ADORA2B: variants seen among roughly 807,000 people sequenced by gnomAD.
The protein encoded by ADORA2B is adenosine A2b receptor.
Under a neutral mutation model 20.8 loss-of-function variants are expected in ADORA2B, and 18 were observed. The observed-to-expected ratio is 0.87, with a 90% CI of 0.60 to 1.29. The LOEUF is 1.29. Among genes scored for constraint, ADORA2B ranks in the 50% most tolerant of loss-of-function variants. The pLI is 0.00. For missense variants in ADORA2B, 441 were observed against 422.7 expected (o/e 1.04, Z -0.38); for synonymous variants, 179 against 178.3 (o/e 1.00, Z -0.03).
chr17:15,975,648 G>GAA lies in ADORA2B; in HGVS notation c.*308_*309dup, dbSNP rs145481270. ...GCCTTGTTTATGGTGGAAAATTACT[G>GAA]AAACTATTTTACTGTGAAACAGTGT... is the stretch of plus-strand genomic sequence containing the variant. On this transcript the variant is annotated 3_prime_UTR_variant, in exon 2 of 2. Coordinates refer to ENST00000304222, the MANE Select transcript of ADORA2B (RefSeq NM_000676.4). 7.4e-3 allele frequency: 2,612 copies of GAA among 355,128 alleles called. 71 individuals are homozygous for GAA. Among genetic ancestry groups the GAA allele is most frequent in the African/African-American group, 0.051 (2,455 of 48,054 alleles). The allele number at this position is 355,128 out of a possible 1,614,324, so 22.0% of individuals were successfully genotyped here. A position where few individuals can be genotyped will look rare whatever the true frequency, so the allele number is the denominator to read the frequency against.
At position 15,975,169 on chromosome 17, in the gene ADORA2B, A is replaced by G. The variant is rs774414334; in HGVS notation, c.826A>G (p.Ile276Val). ...NKPKWAMNMA[I>V]LLSHANSVVN... ...GCCCAAGTGGGCAATGAATATGGCC[A>G]TTCTTCTGTCACATGCCAATTCAGT... Residue 276 changes from isoleucine (I) to valine (V), a missense_variant, in exon 2 of 2, where the codon ATT (isoleucine) becomes GTT (valine). Ile to Val is a conservative substitution (Grantham distance 29). Coordinates refer to ENST00000304222, the MANE Select transcript of ADORA2B (RefSeq NM_000676.4). 8 of 1,614,088 alleles carry G rather than the reference A, an allele frequency of 5.0e-6. No individual in the cohort carries two copies. The South Asian group carries it at 7.7e-5, about 16-fold the overall frequency.
At chr17:15,960,906 G>A (rs1970028427) in intron 1 of ADORA2B, among the ~76,000 whole-genome samples, 1 of 148,114 alleles carries the variant, frequency 6.8e-6, no homozygotes, top group Non-Finnish European at 1.5e-5. Flanking sequence ...AGTAGCTCAC[G>A]ACTATAATCC....
chr17:15,896,468 T>G, the ADORA2B span, among the ~76,000 whole-genome samples: 2 of 152,146 alleles, frequency 1.3e-5, no homozygotes, highest in Non-Finnish European at 2.9e-5. Flanking sequence ...ACTGATCAGA[T>G]GCAGGAGAAG....
At chr17:15,938,806 C>T in the ADORA2B span, among the ~76,000 whole-genome samples, 14,373 of 152,206 alleles carry the variant, frequency 0.094, 2,252 homozygotes, top group African/African-American at 0.33. Flanking sequence ...ACTTGGTTAA[C>T]AATCTGCTTC....
the ADORA2B span, among the ~76,000 whole-genome samples, chr17:15,857,802 GA>G: frequency 6.6e-6 from 1 of 152,090 alleles, no homozygotes; most frequent in Non-Finnish European, 1.5e-5. Flanking sequence ...ATAGCAGTGT[GA>G]AGTGGACTAA....
chr17:15,932,951 ATTTTTT>A, the ADORA2B span, among the ~76,000 whole-genome samples: 7,220 of 135,944 alleles, frequency 0.053, 591 homozygotes, highest in African/African-American at 0.19. Flanking sequence ...TAGTCCTTCA[ATTTTTT>A]TTTTTTTTTT....
chr17:15,852,578 T>C, the ADORA2B span, among the ~76,000 whole-genome samples: 2 of 151,286 alleles, frequency 1.3e-5, no homozygotes, highest in African/African-American at 4.9e-5. Context: ...ACACAGGAGA[T>C]CCAGATATTA....
At chr17:15,960,129 G>A (rs1033681596) in intron 1 of ADORA2B, among the ~76,000 whole-genome samples, 2 of 152,194 alleles carry the variant, frequency 1.3e-5, no homozygotes, top group Non-Finnish European at 2.9e-5. Context: ...TTAGTCAAAT[G>A]TGGTGGCGCA....
At chr17:15,854,647 A>G in the ADORA2B span, among the ~76,000 whole-genome samples, 2 of 152,240 alleles carry the variant, frequency 1.3e-5, no homozygotes, top group Non-Finnish European at 2.9e-5. Context: ...GTATACCATT[A>G]TATTTATGTG....
At chr17:15,926,621 G>A in the ADORA2B span, among the ~76,000 whole-genome samples, 7 of 152,130 alleles carry the variant, frequency 4.6e-5, no homozygotes, top group Admixed American at 6.6e-5. Context: ...GCAGCTGCTA[G>A]GGAATGGCTC....
intron 1 of ADORA2B, among the ~76,000 whole-genome samples, chr17:15,952,914 G>A (rs914723202): frequency 6.6e-6 from 1 of 152,246 alleles, no homozygotes. Flanking sequence ...CTAACCAGCT[G>A]GAGACAGCGC....
At chr17:15,908,550 G>C in the ADORA2B span, 1 of 177,920 alleles carries the variant, frequency 5.6e-6, no homozygotes. Context: ...GGAGCTCACA[G>C]CAAGGTCCTG....
At chr17:15,950,697 C>CCT (rs1301722759) in intron 1 of ADORA2B, among the ~76,000 whole-genome samples, 1 of 152,188 alleles carries the variant, frequency 6.6e-6, no homozygotes, top group African/African-American at 2.4e-5. Flanking sequence ...ATACCGTTCC[C>CCT]CTGCTTACCA....
chr17:15,902,045 A>T, the ADORA2B span, among the ~76,000 whole-genome samples: 2 of 151,944 alleles, frequency 1.3e-5, no homozygotes, highest in Non-Finnish European at 2.9e-5. Flanking sequence ...CCCTCCCCTC[A>T]GCCCCTGGCA....
At chr17:15,935,814 A>G in the ADORA2B span, among the ~76,000 whole-genome samples, 3 of 150,794 alleles carry the variant, frequency 2.0e-5, no homozygotes, top group African/African-American at 7.3e-5. Flanking sequence ...TACTTTTGCA[A>G]GTCCAAATTC....
chr17:15,963,876 A>G (rs191446627), intron 1 of ADORA2B, among the ~76,000 whole-genome samples: 8 of 152,294 alleles, frequency 5.3e-5, no homozygotes, highest in African/African-American at 1.9e-4. Flanking sequence ...TCTCCCAGCC[A>G]CCTTCACATA....
At chr17:15,853,005 G>C in the ADORA2B span, among the ~76,000 whole-genome samples, 2 of 151,584 alleles carry the variant, frequency 1.3e-5, no homozygotes, top group Non-Finnish European at 3.0e-5. Context: ...TTAAGCCCTA[G>C]ATTCAAGAAC....
At chr17:15,890,749 A>C in the ADORA2B span, among the ~76,000 whole-genome samples, 1 of 152,144 alleles carries the variant, frequency 6.6e-6, no homozygotes, top group East Asian at 1.9e-4. Flanking sequence ...TGAGCAGAGC[A>C]CAGCAGCCCC....
chr17:15,867,191 T>C, the ADORA2B span, among the ~76,000 whole-genome samples: 2 of 151,918 alleles, frequency 1.3e-5, no homozygotes, highest in Non-Finnish European at 2.9e-5. Flanking sequence ...GATTGCAGCC[T>C]CTGCCCGGCC....
Sources: gnomAD v4.1 joint callset for allele counts (sites outside exome capture counted in the v4.1 genomes callset) on GRCh38, gnomAD v4.1.1 for gene constraint, MANE v1.5 for transcripts, NCBI Gene and HGNC (gene_info 2026-07-23, HGNC 2026-07-21) for gene names.